The following THSD7A variants were observed in gnomAD, a reference collection of about 807,000 sequenced individuals.
THSD7A encodes thrombospondin type-1 domain-containing protein 7A.
In THSD7A, 96 loss-of-function variants were observed where a neutral mutation model predicts 231.3. The ratio of observed to expected loss-of-function variants is 0.41; its 90% CI spans 0.35 to 0.49. THSD7A has a LOEUF of 0.49. Among genes scored for constraint, THSD7A ranks in the 20% least tolerant of loss-of-function variants. The pLI, the probability that THSD7A is intolerant of heterozygous loss-of-function variation, is 0.05. For synonymous variants in THSD7A, 940 were observed against 743.3 expected (o/e 1.26, Z -4.30); for missense variants, 2,290 against 2,070.2 (o/e 1.11, Z -2.06).
intron 1 of THSD7A, among the ~76,000 whole-genome samples, chr7:11,829,197 A>G (rs182512786): frequency 3.9e-5 from 6 of 152,080 alleles, no homozygotes; most frequent in African/African-American, 1.2e-4. Context: ...TTATACATAA[A>G]TTTTCCACTG....
chr7:11,530,489 C>A (rs745928327), intron 6 of THSD7A, among the ~76,000 whole-genome samples: 2 of 152,092 alleles, frequency 1.3e-5, no homozygotes, highest in African/African-American at 4.8e-5. Context: ...GAAACAGTCA[C>A]ACAAAAATAA....
intron 6 of THSD7A, among the ~76,000 whole-genome samples, chr7:11,533,446 T>C (rs1358289923): frequency 6.6e-6 from 1 of 152,178 alleles, no homozygotes; most frequent in Non-Finnish European, 1.5e-5. Context: ...TGGATACATA[T>C]ATTTATTGCA....
intron 1 of THSD7A, among the ~76,000 whole-genome samples, chr7:11,819,096 G>A (rs1006501595): frequency 3.9e-5 from 6 of 152,118 alleles, no homozygotes; most frequent in African/African-American, 1.4e-4. Flanking sequence ...ACAAGCAGAT[G>A]AAACATCATG....
chr7:11,671,653 T>TA (rs1226586014), intron 1 of THSD7A, among the ~76,000 whole-genome samples: 4 of 152,106 alleles, frequency 2.6e-5, no homozygotes, highest in Non-Finnish European at 5.9e-5. Flanking sequence ...GGTAGATAGC[T>TA]AAAAAATATA....
chr7:11,711,132 G>C (rs1204211904), intron 1 of THSD7A, among the ~76,000 whole-genome samples: 1 of 150,878 alleles, frequency 6.6e-6, no homozygotes, highest in Non-Finnish European at 1.5e-5. Context: ...TGGGAAAGTT[G>C]AAGTAATATA....
rs1785217593 is a variant in THSD7A, at chr7:11,832,128, G to A, written c.-182C>T. 2.6e-6 allele frequency: 1 copy of A among 385,214 alleles called. No individual in the cohort carries two copies. The highest frequency in any genetic ancestry group is 4.4e-6 in the Non-Finnish European group (1 of 229,738). The allele number at this position is 385,214 out of a possible 1,614,324, so 23.9% of individuals were successfully genotyped here. On this transcript the variant is annotated 5_prime_UTR_variant, in exon 1 of 28. Coordinates refer to ENST00000423059, the MANE Select transcript of THSD7A (RefSeq NM_015204.3). Reference sequence around the variant, plus strand: ...GGGAACAATAGCGTCCGCGGTGGTGGCCGTGGCCGCTGCCGCCGCCGCCGC... The same window carrying A: ...GGGAACAATAGCGTCCGCGGTGGTGACCGTGGCCGCTGCCGCCGCCGCCGC...
At chr7:11,700,592 AGT>A (rs1230713309) in intron 1 of THSD7A, among the ~76,000 whole-genome samples, 3 of 151,244 alleles carry the variant, frequency 2.0e-5, no homozygotes, top group Non-Finnish European at 4.4e-5. Context: ...TTGTAGTTGG[AGT>A]GTTTTCATGT....
At chr7:11,452,235 G>C (rs1474054310) in intron 11 of THSD7A, among the ~76,000 whole-genome samples, 1 of 151,972 alleles carries the variant, frequency 6.6e-6, no homozygotes, top group Non-Finnish European at 1.5e-5. Context: ...GAATCATGTA[G>C]AAATGAAGAA....
intron 1 of THSD7A, among the ~76,000 whole-genome samples, chr7:11,648,635 G>GGTGTGTGTGTGTGTGT (rs1562441338): frequency 1.6e-5 from 1 of 62,014 alleles, no homozygotes; most frequent in Non-Finnish European, 3.9e-5. Context: ...TCTATTTTGT[G>GGTGTGTGTGTGTGTGT]GCGTGTGTGT....
At chr7:11,794,803 T>C (rs1784073692) in intron 1 of THSD7A, among the ~76,000 whole-genome samples, 1 of 152,024 alleles carries the variant, frequency 6.6e-6, no homozygotes. Flanking sequence ...TTGCCTTCTT[T>C]GAAATAGAAG....
At position 11,406,537 on chromosome 7, in the gene THSD7A, C is replaced by CTT; in HGVS notation, c.4063-65_4063-64dup. On this transcript the variant is annotated intron_variant, in intron 21 of 27. Coordinates refer to ENST00000423059, the MANE Select transcript of THSD7A (RefSeq NM_015204.3). The surrounding 1 kb of genome is among the most constrained non-coding windows in gnomAD (Gnocchi z 4.7). ...AAATACTTCATTAGAGAGCTCATCACTTAGTTATCTCTGCACCACTGACTT... is the reference window on the plus strand; with the variant it reads ...AAATACTTCATTAGAGAGCTCATCACTTTTAGTTATCTCTGCACCACTGACTT... 1 of 1,454,972 alleles carries CTT rather than the reference C, an allele frequency of 6.9e-7. No homozygotes were observed. 90.1% of individuals were successfully genotyped at this position (1,454,972 alleles called of 1,614,324 possible).
chr7:11,525,515 T>C (rs987795870), intron 6 of THSD7A, among the ~76,000 whole-genome samples: 20 of 152,120 alleles, frequency 1.3e-4, no homozygotes, highest in African/African-American at 3.6e-4. Context: ...TATTCAACTA[T>C]AGTAATACAA....
chr7:11,534,758 A>G (rs1390620109), intron 6 of THSD7A, among the ~76,000 whole-genome samples: 2 of 152,224 alleles, frequency 1.3e-5, no homozygotes, highest in Non-Finnish European at 2.9e-5. Flanking sequence ...GAAGCAAGCA[A>G]GAGGCTCACT....
chr7:11,636,311 T>C lies in THSD7A; in HGVS notation c.841A>G (p.Lys281Glu), dbSNP rs374314770. The C allele has an allele frequency of 3.2e-5, 52 of 1,613,976 alleles. No individual in the cohort carries two copies. Among genetic ancestry groups the C allele is most frequent in the Non-Finnish European group, 4.4e-5 (52 of 1,179,898 alleles). Residue 281 changes from lysine to glutamate, a missense_variant, in exon 2 of 28, where the codon AAA becomes GAA. Physicochemically the swap from Lys to Glu is moderately conservative, Grantham distance 56. Coordinates refer to ENST00000423059, the MANE Select transcript of THSD7A (RefSeq NM_015204.3). This position sits in a 1 kb window ranked among gnomAD's most constrained non-coding sequence, Gnocchi z 10.0. ...VRQARRRGKN[K>E]EREKDRSKGV... is the part of the protein sequence containing the mutation. ...TTGCTGCGGTCCTTTTCCCGTTCTT[T>C]ATTCTTCCCGCGTCTCCTTGCTTGT...
At chr7:11,695,761 C>A (rs1179616603) in intron 1 of THSD7A, among the ~76,000 whole-genome samples, 1 of 151,420 alleles carries the variant, frequency 6.6e-6, no homozygotes, top group Non-Finnish European at 1.5e-5. Context: ...GAAAGACAAG[C>A]TAAATAGTTT....
intron 17 of THSD7A, among the ~76,000 whole-genome samples, chr7:11,414,930 T>G (rs1166238699): frequency 1.3e-5 from 2 of 152,208 alleles, no homozygotes; most frequent in East Asian, 3.9e-4. Context: ...AGTAAAAGCT[T>G]AGTTGGTATC....
chr7:11,512,054 C>A (rs1787831500), intron 6 of THSD7A, among the ~76,000 whole-genome samples: 1 of 152,150 alleles, frequency 6.6e-6, no homozygotes. Flanking sequence ...GGGCTAATAT[C>A]CAGAATCTAC....
At chr7:11,644,127 G>A (rs1477501790) in intron 1 of THSD7A, among the ~76,000 whole-genome samples, 2 of 150,516 alleles carry the variant, frequency 1.3e-5, no homozygotes, top group Non-Finnish European at 1.5e-5. Context: ...CAAAGCTTAT[G>A]AAGAATTCAC....
In THSD7A at chr7:11,379,201, G is replaced by A. The variant is rs1186396780; in HGVS notation, c.4670C>T (p.Pro1557Leu). The stretch of plus-strand genomic sequence containing the variant: ...CTCCATGGTGGGTAATACCACCACG[G>A]GGATAAGTGTGCATTGCTCAAGGGT... ...NSTLEQCTLI[P>L]VVVLPTMEDK... The change falls in exon 26 of 28, where the codon CCC becomes CTC. Residue 1557 changes from proline to leucine, a missense_variant. Pro to Leu is a moderately conservative substitution (Grantham distance 98). Coordinates refer to ENST00000423059, the MANE Select transcript of THSD7A (RefSeq NM_015204.3). The A allele has an allele frequency of 1.2e-6, 2 of 1,613,632 alleles. No individual in the cohort carries two copies. The highest frequency in any genetic ancestry group is 1.1e-5 in the South Asian group (1 of 91,082).
Sources: allele counts gnomAD v4.1 joint callset (sites outside exome capture counted in the v4.1 genomes callset), GRCh38; gene constraint gnomAD v4.1.1; non-coding constraint Gnocchi (gnomAD v3.1); transcripts MANE v1.5; gene names NCBI Gene and HGNC (gene_info 2026-07-23, HGNC 2026-07-21).